Variants in TBC1D19 observed in about 807,000 individuals in gnomAD.
TBC1D19 encodes TBC1 domain family member 19, also known as TBC1 domain family, member 19.
TBC1D19 carries 60 observed loss-of-function variants against 89.0 expected under a neutral mutation model. The ratio of observed to expected loss-of-function variants is 0.67; its 90% CI spans 0.55 to 0.84. The LOEUF is 0.84. TBC1D19 is among the 40% of genes least tolerant of loss of function. The pLI is 0.00. For missense variants in TBC1D19, 500 were observed against 610.8 expected, an observed-to-expected ratio of 0.82 and a Z score of 1.91; for synonymous variants, 189 against 199.7, an observed-to-expected ratio of 0.95 and a Z score of 0.45.
the TBC1D19 span, among the ~76,000 whole-genome samples, chr4:26,790,812 G>C: frequency 6.6e-6 from 1 of 152,178 alleles, no homozygotes; most frequent in Non-Finnish European, 1.5e-5. Flanking sequence ...GAATGAGACA[G>C]ACAACTTAAA....
intron 6 of TBC1D19, among the ~76,000 whole-genome samples, chr4:26,639,453 GT>G (rs1684431786): frequency 6.6e-6 from 1 of 151,940 alleles, no homozygotes; most frequent in African/African-American, 2.4e-5. Flanking sequence ...TTTAATTAAG[GT>G]AAATATTGTG....
At chr4:26,583,092 T>A (rs1211107185), upstream of TBC1D19, among the ~76,000 whole-genome samples, 1 of 152,218 alleles carries the variant, frequency 6.6e-6, no homozygotes, top group East Asian at 1.9e-4. Context: ...TCTTGGTTTG[T>A]TTTCTTAAAA....
intron 1 of TBC1D19, among the ~76,000 whole-genome samples, chr4:26,594,117 A>T (rs925274170): frequency 1.3e-5 from 2 of 152,196 alleles, no homozygotes; most frequent in African/African-American, 2.4e-5. Context: ...TAGACTGGAT[A>T]AAGAAAATGT....
chr4:26,710,872 G>A (rs997379744), intron 13 of TBC1D19, among the ~76,000 whole-genome samples: 3 of 152,030 alleles, frequency 2.0e-5, no homozygotes, highest in Admixed American at 1.3e-4. Context: ...GTTTTGATGG[G>A]GTTGTTTGTT....
At chr4:26,824,393 G>A in the TBC1D19 span, among the ~76,000 whole-genome samples, 71,082 of 152,008 alleles carry the variant, frequency 0.47, 18,237 homozygotes, top group African/African-American at 0.7. Flanking sequence ...TCTTTTCACA[G>A]TAATATATTT....
chr4:26,710,908 T>A (rs185590333), intron 13 of TBC1D19, among the ~76,000 whole-genome samples: 15 of 152,234 alleles, frequency 9.9e-5, no homozygotes, highest in African/African-American at 3.4e-4. Flanking sequence ...GTTTGAGTTC[T>A]TTGTAGATTC....
chr4:26,826,564 T>C, the TBC1D19 span, among the ~76,000 whole-genome samples: 1 of 152,240 alleles, frequency 6.6e-6, no homozygotes, highest in African/African-American at 2.4e-5. Context: ...CTCATCTCTC[T>C]CCAATATACC....
chr4:26,823,249 C>T, the TBC1D19 span, among the ~76,000 whole-genome samples: 5 of 152,072 alleles, frequency 3.3e-5, no homozygotes, highest in African/African-American at 7.2e-5. Context: ...GCAAGAACAG[C>T]GGGAAAGACC....
At chr4:26,636,402 A>G (rs897481019) in intron 4 of TBC1D19, among the ~76,000 whole-genome samples, 1 of 151,820 alleles carries the variant, frequency 6.6e-6, no homozygotes, top group Non-Finnish European at 1.5e-5. Context: ...AAGGTAATCA[A>G]TACTATGAAA....
chr4:26,685,767 G>T (rs1713756387), intron 12 of TBC1D19, among the ~76,000 whole-genome samples: 2 of 152,260 alleles, frequency 1.3e-5, no homozygotes, highest in South Asian at 4.1e-4. Context: ...AAATTATTAT[G>T]CTCAGTGGAT....
At chr4:26,603,114 G>C (rs1192098550) in intron 1 of TBC1D19, among the ~76,000 whole-genome samples, 1 of 152,064 alleles carries the variant, frequency 6.6e-6, no homozygotes, top group Non-Finnish European at 1.5e-5. Context: ...TTCAAAGAAA[G>C]CCATTTTATG....
At chr4:26,815,944 G>C in the TBC1D19 span, among the ~76,000 whole-genome samples, 3 of 152,150 alleles carry the variant, frequency 2.0e-5, no homozygotes, top group African/African-American at 7.2e-5. Context: ...CCTGCAGAGC[G>C]AATGAATGCT....
chr4:26,688,050 G>T (rs934518217), intron 12 of TBC1D19, among the ~76,000 whole-genome samples: 1 of 152,074 alleles, frequency 6.6e-6, no homozygotes, highest in East Asian at 1.9e-4. Context: ...GATTGCATCC[G>T]CTTTTCTTTT....
At chr4:26,790,575 A>T in the TBC1D19 span, among the ~76,000 whole-genome samples, 1 of 152,214 alleles carries the variant, frequency 6.6e-6, no homozygotes, top group African/African-American at 2.4e-5. Context: ...ATTGAGAGAA[A>T]GAGAGACAAA....
At chr4:26,852,214 T>A in the TBC1D19 span, among the ~76,000 whole-genome samples, 10 of 152,252 alleles carry the variant, frequency 6.6e-5, no homozygotes, top group Non-Finnish European at 1.5e-4. Flanking sequence ...CATTTCGTTG[T>A]TATCCTTGAC....
downstream of TBC1D19, among the ~76,000 whole-genome samples, chr4:26,756,984 T>C (rs1275491636): frequency 6.6e-6 from 1 of 150,582 alleles, no homozygotes; most frequent in African/African-American, 2.4e-5. Flanking sequence ...GTTAAAACAC[T>C]GCACTGAGGG....
intron 15 of TBC1D19, among the ~76,000 whole-genome samples, chr4:26,728,436 A>G (rs987765023): frequency 1.3e-5 from 2 of 152,216 alleles, no homozygotes; most frequent in Non-Finnish European, 2.9e-5. Flanking sequence ...AAGTTAGAAA[A>G]GACAAACTTT....
Position 26,658,536 on chromosome 4 carries a change from G to T in TBC1D19, c.481-1061G>T, listed in dbSNP as rs564505608. 1.6e-4 allele frequency among the ~76,000 whole-genome samples: 24 copies of T among 152,276 alleles called. No homozygotes were observed. The South Asian group carries it at 4.8e-3, about 30-fold the overall frequency. The stretch of plus-strand genomic sequence containing the variant: ...TAGGAAGTGTGATGCCTCCAGCTTT[G>T]TTCTTTTTGCTTAGGATTGTCTTGA... On this transcript the variant is annotated intron_variant, in intron 7 of 20. Coordinates refer to ENST00000264866, the MANE Select transcript of TBC1D19 (RefSeq NM_018317.4).
chr4:26,604,418 C>T (rs1479507040), intron 1 of TBC1D19, among the ~76,000 whole-genome samples: 3 of 150,476 alleles, frequency 2.0e-5, no homozygotes, highest in Non-Finnish European at 4.4e-5. Context: ...TCCCGAAGTG[C>T]TGGGATTACA....
Sources: gnomAD v4.1 joint callset for allele counts (sites outside exome capture counted in the v4.1 genomes callset) on GRCh38, gnomAD v4.1.1 for gene constraint, MANE v1.5 for transcripts, NCBI Gene and HGNC (gene_info 2026-07-23, HGNC 2026-07-21) for gene names.